PLEKHB2: variants seen among roughly 807,000 people sequenced by gnomAD.
PLEKHB2 encodes the protein pleckstrin homology domain containing B2.
A neutral mutation model predicts 36.5 loss-of-function variants in PLEKHB2; 31 were observed. That is an observed-to-expected ratio of 0.85 (90% confidence interval 0.64 to 1.15). The LOEUF (loss-of-function observed/expected upper bound fraction) is 1.15, where lower values mean the gene tolerates loss of function less well. PLEKHB2 is among the 50% of genes most tolerant of loss of function. The pLI is 0.00. For missense variants in PLEKHB2, 262 were observed against 295.3 expected (o/e 0.89, Z 0.83); for synonymous variants, 119 against 112.0 (o/e 1.06, Z -0.39).
intron 6 of PLEKHB2, among the ~76,000 whole-genome samples, chr2:131,134,619 C>T (rs1441963224): frequency 2.0e-5 from 3 of 152,176 alleles, no homozygotes; most frequent in Non-Finnish European, 4.4e-5. Flanking sequence ...TTAATTATTG[C>T]AGCTATTATA....
chr2:131,146,972 ACT>A lies in PLEKHB2; in HGVS notation c.*203_*204del, dbSNP rs1699349692. On this transcript the variant is annotated 3_prime_UTR_variant, in exon 8 of 8. Coordinates refer to ENST00000693505, the MANE Select transcript of PLEKHB2 (RefSeq NM_001100623.2). ...ACTGTGCTATTTTGTTCAAATGTTG[ACT>A]CTCCGGGGGCACTGGCTCATTCCAA... The A allele has an allele frequency of 2.3e-6, 1 of 430,850 alleles. No homozygotes were observed. Among genetic ancestry groups the A allele is most frequent in the Non-Finnish European group, 4.0e-6 (1 of 247,686 alleles). The allele number at this position is 430,850 out of a possible 1,614,324, so 26.7% of individuals were successfully genotyped here.
chr2:131,126,020 A>T (rs763324051), intron 3 of PLEKHB2, 115 bp downstream of exon 3: 146 of 1,040,650 alleles, frequency 1.4e-4, no homozygotes, highest in Non-Finnish European at 1.9e-4. Flanking sequence ...GAAGGGCTCC[A>T]TCTCAGAGGG....
chr2:131,124,910 C>G (rs1014124475), intron 2 of PLEKHB2, among the ~76,000 whole-genome samples: 1 of 151,922 alleles, frequency 6.6e-6, no homozygotes, highest in Admixed American at 6.6e-5. Context: ...CTCAGCCTCC[C>G]TAGTAGCTGG....
At chr2:131,137,609 CCAGTT>C (rs1698398715) in intron 6 of PLEKHB2, among the ~76,000 whole-genome samples, 1 of 152,184 alleles carries the variant, frequency 6.6e-6, no homozygotes, top group South Asian at 2.1e-4. Context: ...TAAAAATCCT[CCAGTT>C]CATTCATTCC....
At chr2:131,136,968 C>T (rs1197676808) in intron 6 of PLEKHB2, among the ~76,000 whole-genome samples, 7 of 138,858 alleles carry the variant, frequency 5.0e-5, no homozygotes, top group African/African-American at 8.2e-5. Context: ...TTTTTTGAGA[C>T]GGAGTCTCAC....
At chr2:131,124,528 G>A (rs1200065809) in intron 2 of PLEKHB2, among the ~76,000 whole-genome samples, 1 of 152,148 alleles carries the variant, frequency 6.6e-6, no homozygotes, top group Non-Finnish European at 1.5e-5. Flanking sequence ...GGAAATTACT[G>A]TTTTATATAC....
At chr2:131,106,581 G>A (rs1694758617) in intron 1 of PLEKHB2, among the ~76,000 whole-genome samples, 1 of 152,178 alleles carries the variant, frequency 6.6e-6, no homozygotes, top group African/African-American at 2.4e-5. Flanking sequence ...TGGGGGTGTG[G>A]GAATACTGCT....
At chr2:131,107,329 T>G (rs1694842091) in intron 1 of PLEKHB2, 1 of 152,266 alleles carries the variant, frequency 6.6e-6, no homozygotes, top group Non-Finnish European at 1.5e-5. Flanking sequence ...TCTTTGCCTG[T>G]CTGCCCTTTG....
intron 6 of PLEKHB2, among the ~76,000 whole-genome samples, chr2:131,135,697 G>A (rs900942228): frequency 7.9e-5 from 12 of 151,842 alleles, no homozygotes; most frequent in African/African-American, 9.7e-5. Flanking sequence ...TCCGCCTCCC[G>A]GGTTCACACC....
intron 2 of PLEKHB2, among the ~76,000 whole-genome samples, chr2:131,124,310 C>T (rs777227079): frequency 3.3e-5 from 5 of 152,004 alleles, no homozygotes; most frequent in East Asian, 1.9e-4. Flanking sequence ...GTTGCAGGCA[C>T]GGCAACATAA....
intron 1 of PLEKHB2, among the ~76,000 whole-genome samples, chr2:131,114,103 CTG>C (rs1238204331): frequency 1.3e-5 from 2 of 152,096 alleles, no homozygotes; most frequent in Admixed American, 6.6e-5. Context: ...CTGCTGTTCT[CTG>C]TGGATTTATG....
intron 6 of PLEKHB2, among the ~76,000 whole-genome samples, chr2:131,137,093 C>T (rs888609846): frequency 9.2e-5 from 14 of 151,676 alleles, no homozygotes; most frequent in East Asian, 1.9e-4. Context: ...ACTACAGGCG[C>T]CTGCCACCAC....
chr2:131,146,690 GACA>G lies in PLEKHB2; in HGVS notation c.589_591del (p.Asn197del), dbSNP rs774578796. 2.9e-5 allele frequency: 46 copies of G among 1,613,960 alleles called. 1 individual carries two copies. The South Asian group carries it at 4.0e-4, about 14-fold the overall frequency. On this transcript the variant is annotated inframe_deletion, in exon 8 of 8. Coordinates refer to ENST00000693505, the MANE Select transcript of PLEKHB2 (RefSeq NM_001100623.2). ...AGTCATCATTCGAGAGCGCTATCGAGACAACGACAGCGACCTGGCACTGGGCAT... is the reference window on the plus strand; with the variant it reads ...AGTCATCATTCGAGAGCGCTATCGAGACGACAGCGACCTGGCACTGGGCAT...
At chr2:131,115,575 G>C (rs757098518) in intron 1 of PLEKHB2, among the ~76,000 whole-genome samples, 1 of 151,736 alleles carries the variant, frequency 6.6e-6, no homozygotes, top group African/African-American at 2.4e-5. Context: ...GGATGGTCTC[G>C]ATCTCTTGAT....
chr2:131,115,500 TGCGCCACCATGCCCA>T (rs1695773624), intron 1 of PLEKHB2, among the ~76,000 whole-genome samples: 1 of 151,700 alleles, frequency 6.6e-6, no homozygotes, highest in Non-Finnish European at 1.5e-5. Context: ...ACTACAGGCA[TGCGCCACCATGCCCA>T]GCTAATTTTT....
At chr2:131,109,505 C>A (rs1282771357) in intron 1 of PLEKHB2, among the ~76,000 whole-genome samples, 1 of 152,092 alleles carries the variant, frequency 6.6e-6, no homozygotes, top group South Asian at 2.1e-4. Context: ...GCCTGACCAA[C>A]GTGGTAAAAT....
chr2:131,119,222 C>T (rs1248603660), intron 1 of PLEKHB2, among the ~76,000 whole-genome samples: 1 of 152,058 alleles, frequency 6.6e-6, no homozygotes, highest in East Asian at 1.9e-4. Flanking sequence ...CGCCACTGCA[C>T]TCCAGCCTGG....
intron 3 of PLEKHB2, among the ~76,000 whole-genome samples, chr2:131,126,136 T>C (rs1030066086): frequency 6.6e-6 from 1 of 152,146 alleles, no homozygotes; most frequent in African/African-American, 2.4e-5. Flanking sequence ...GAGCCAGAGC[T>C]CTGGGAACCT....
intron 6 of PLEKHB2, among the ~76,000 whole-genome samples, chr2:131,134,596 A>AT (rs1331260429): frequency 1.3e-5 from 2 of 151,960 alleles, no homozygotes; most frequent in Non-Finnish European, 2.9e-5. Context: ...CCTTCCTTTG[A>AT]TCCCACACAG....
Sources: allele counts gnomAD v4.1 joint callset (sites outside exome capture counted in the v4.1 genomes callset), GRCh38; gene constraint gnomAD v4.1.1; transcripts MANE v1.5; gene names NCBI Gene and HGNC (gene_info 2026-07-23, HGNC 2026-07-21).